The following CUX1 variants were observed in gnomAD, a reference collection of about 807,000 sequenced individuals.
CUX1 encodes protein CASP.
In CUX1, 31 loss-of-function variants were observed where a neutral mutation model predicts 158.8. The observed-to-expected ratio is 0.20, with a 90% confidence interval of 0.15 to 0.26. CUX1 has a LOEUF of 0.26. Ranked by LOEUF, CUX1 falls within the 10% of genes least tolerant of loss-of-function variation. The pLI is 1.00. For synonymous variants in CUX1, 879 were observed against 862.1 expected (o/e 1.02, Z -0.34); for missense variants, 1,589 against 2,014.6 (o/e 0.79, Z 4.04).
At chr7:101,958,891 G>T (rs933500125) in intron 2 of CUX1, among the ~76,000 whole-genome samples, 2 of 111,128 alleles carry the variant, frequency 1.8e-5, no homozygotes, top group East Asian at 2.9e-4. Flanking sequence ...GTATTGCCCT[G>T]TCGCCCAAGC....
chr7:102,094,550 C>T (rs192590024), intron 4 of CUX1, among the ~76,000 whole-genome samples: 24 of 152,206 alleles, frequency 1.6e-4, no homozygotes, highest in Middle Eastern at 3.4e-3. Context: ...TTTTTTAATT[C>T]GAAGCAGATA....
At chr7:102,174,211 T>C (rs1364277614) in intron 10 of CUX1, among the ~76,000 whole-genome samples, 6 of 152,174 alleles carry the variant, frequency 3.9e-5, no homozygotes, top group African/African-American at 1.4e-4. Flanking sequence ...CCTCCACTCC[T>C]GGGTTTAACC....
At chr7:102,102,423 CAAAAAA>C (rs67525163) in intron 5 of CUX1, among the ~76,000 whole-genome samples, 14 of 74,988 alleles carry the variant, frequency 1.9e-4, no homozygotes, top group African/African-American at 4.8e-4. Context: ...GACTCCGCCT[CAAAAAA>C]AAAAAAAAAA....
At chr7:101,892,734 G>T (rs1451082594) in intron 1 of CUX1, among the ~76,000 whole-genome samples, 1 of 151,956 alleles carries the variant, frequency 6.6e-6, no homozygotes, top group East Asian at 1.9e-4. Context: ...TGTGAGCTAG[G>T]TCTATTTTTG....
chr7:102,228,202 C>T (rs1203911776), intron 21 of CUX1, among the ~76,000 whole-genome samples: 1 of 151,962 alleles, frequency 6.6e-6, no homozygotes, highest in Non-Finnish European at 1.5e-5. Context: ...CTGCCCACCT[C>T]AGCCTCCAAA....
intron 2 of CUX1, among the ~76,000 whole-genome samples, chr7:101,956,682 C>G (rs1809820774): frequency 6.6e-6 from 1 of 152,268 alleles, no homozygotes; most frequent in Non-Finnish European, 1.5e-5. Context: ...CACAGTGGCT[C>G]ACGCCTATAA....
chr7:101,832,136 G>A (rs929804801), intron 1 of CUX1, among the ~76,000 whole-genome samples: 1 of 152,192 alleles, frequency 6.6e-6, no homozygotes, highest in South Asian at 2.1e-4. Flanking sequence ...GCGGGCTAGA[G>A]TGAGGAGGGA....
intron 22 of CUX1, among the ~76,000 whole-genome samples, chr7:102,236,650 CTG>C (rs1799596925): frequency 6.6e-6 from 1 of 152,140 alleles, no homozygotes; most frequent in African/African-American, 2.4e-5. Context: ...CCCAATAGAT[CTG>C]TGCAGAGTTT....
chr7:101,999,740 T>C (rs1054996615), intron 2 of CUX1, among the ~76,000 whole-genome samples: 3 of 152,190 alleles, frequency 2.0e-5, no homozygotes, highest in African/African-American at 7.2e-5. Flanking sequence ...CCATACACAG[T>C]TGGGCTGCTT....
intron 1 of CUX1, among the ~76,000 whole-genome samples, chr7:101,903,410 A>G (rs1802373570): frequency 6.6e-6 from 1 of 152,110 alleles, no homozygotes; most frequent in African/African-American, 2.4e-5. Context: ...TGCAGAGCCG[A>G]AGATTGTAGT....
intron 2 of CUX1, among the ~76,000 whole-genome samples, chr7:101,993,278 C>T (rs1017458279): frequency 6.6e-6 from 1 of 152,052 alleles, no homozygotes; most frequent in Non-Finnish European, 1.5e-5. Flanking sequence ...TGCAGTGAGC[C>T]GAGGTTGCAC....
chr7:102,118,901 G>T (rs942401586), intron 8 of CUX1, among the ~76,000 whole-genome samples: 6 of 152,276 alleles, frequency 3.9e-5, no homozygotes, highest in African/African-American at 1.4e-4. Context: ...ACAGGCGTGC[G>T]CCACCACATC....
chr7:101,965,709 C>T (rs567755923), intron 2 of CUX1, among the ~76,000 whole-genome samples: 5 of 151,570 alleles, frequency 3.3e-5, no homozygotes, highest in Admixed American at 2.0e-4. Context: ...ATTAGCGGGG[C>T]GTGGTGGCAG....
chr7:102,062,125 T>C (rs1824946243), intron 3 of CUX1, among the ~76,000 whole-genome samples: 1 of 152,168 alleles, frequency 6.6e-6, no homozygotes, highest in Non-Finnish European at 1.5e-5. Flanking sequence ...TAAATCTTAA[T>C]GCTCAGATAA....
intron 2 of CUX1, among the ~76,000 whole-genome samples, chr7:101,939,722 G>A (rs1269975178): frequency 6.6e-6 from 1 of 152,040 alleles, no homozygotes; most frequent in African/African-American, 2.4e-5. Flanking sequence ...AGCTGCTTGG[G>A]AGGCTGAGGC....
intron 2 of CUX1, among the ~76,000 whole-genome samples, chr7:102,021,836 C>T (rs1274240140): frequency 6.6e-6 from 1 of 152,128 alleles, no homozygotes; most frequent in Admixed American, 6.6e-5. Context: ...GCTGGGAATA[C>T]AGGTGTGAGC....
chr7:101,890,039 G>T (rs1173239505), intron 1 of CUX1, among the ~76,000 whole-genome samples: 4 of 152,234 alleles, frequency 2.6e-5, no homozygotes, highest in African/African-American at 4.8e-5. Context: ...GTGTGGTGGG[G>T]TGCCCCCGGG....
At chr7:102,235,666 C>A (rs1161607082) in intron 22 of CUX1, among the ~76,000 whole-genome samples, 1 of 149,154 alleles carries the variant, frequency 6.7e-6, no homozygotes, top group Non-Finnish European at 1.5e-5. Flanking sequence ...GACACCACTG[C>A]ACTCCAGCCT....
upstream of CUX1, chr7:101,817,577 C>T: frequency 1.3e-6 from 2 of 1,504,492 alleles, no homozygotes; most frequent in Non-Finnish European, 1.8e-6. The surrounding 1 kb of genome is among the most constrained non-coding windows in gnomAD (Gnocchi z 4.1). Flanking sequence ...CCTTAGGGTC[C>T]GCCCCGCACG....
Sources: allele counts gnomAD v4.1 joint callset (sites outside exome capture counted in the v4.1 genomes callset), GRCh38; gene constraint gnomAD v4.1.1; non-coding constraint Gnocchi (gnomAD v3.1); transcripts MANE v1.5; gene names NCBI Gene and HGNC (gene_info 2026-07-23, HGNC 2026-07-21).